MTMR14: variants seen among roughly 807,000 people sequenced by gnomAD.
The protein encoded by MTMR14 is myotubularin related protein 14.
In MTMR14, 48 loss-of-function variants were observed where a neutral mutation model predicts 86.3. The observed-to-expected ratio is 0.56, with a 90% CI of 0.44 to 0.71. The LOEUF (loss-of-function observed/expected upper bound fraction) is 0.71. MTMR14 is among the 30% of genes least tolerant of loss of function. The probability of loss-of-function intolerance (pLI) is 0.00; values close to 1 mark genes in which losing one functional copy is unlikely to be tolerated. For missense variants in MTMR14, 780 were observed against 834.6 expected (o/e 0.93, Z 0.81); for synonymous variants, 366 against 326.1 (o/e 1.12, Z -1.32).
intron 1 of MTMR14, among the ~76,000 whole-genome samples, chr3:9,652,965 C>A (rs913680052): frequency 4.0e-5 from 6 of 151,690 alleles, no homozygotes; most frequent in African/African-American, 1.5e-4. Context: ...GGCCGGGTGC[C>A]GTGGCTCACG....
chr3:9,656,201 TAA>T (rs544986685), intron 2 of MTMR14, among the ~76,000 whole-genome samples: 2 of 144,714 alleles, frequency 1.4e-5, no homozygotes, highest in African/African-American at 2.5e-5. Flanking sequence ...CTCAAAAAAA[TAA>T]AAAAAAAAGA....
chr3:9,661,995 G>A (rs1189526277), intron 2 of MTMR14, among the ~76,000 whole-genome samples: 1 of 151,924 alleles, frequency 6.6e-6, no homozygotes, highest in African/African-American at 2.4e-5. Flanking sequence ...GGCTGAGACA[G>A]GAGAATTGCT....
At chr3:9,687,772 C>T (rs765247565) in intron 13 of MTMR14, 49 bp from the exon 14 acceptor site, 1 of 1,518,076 alleles carries the variant, frequency 6.6e-7, no homozygotes, top group South Asian at 1.2e-5. Flanking sequence ...CCTGGGAGTT[C>T]TGCTGCCTTG....
intron 9 of MTMR14, among the ~76,000 whole-genome samples, chr3:9,682,443 G>A (rs2075798896): frequency 6.6e-6 from 1 of 152,160 alleles, no homozygotes; most frequent in African/African-American, 2.4e-5. Flanking sequence ...TAGGGAAAAG[G>A]GTGCCGCAAA....
In MTMR14 at chr3:9,677,990, G is replaced by A. The variant is rs1575016184; in HGVS notation, c.829G>A (p.Val277Ile). The A allele has an allele frequency of 1.2e-6, 2 of 1,614,022 alleles. No homozygotes were observed. The highest frequency in any genetic ancestry group is 1.7e-6 in the Non-Finnish European group (2 of 1,179,968). Residue 277 changes from valine to isoleucine, a missense_variant, in exon 9 of 19, where the codon GTT becomes ATT. Coordinates refer to ENST00000296003, the MANE Select transcript of MTMR14 (RefSeq NM_001077525.3). The surrounding 1 kb of genome is among the most constrained non-coding windows in gnomAD (Gnocchi z 4.2). The stretch of plus-strand genomic sequence containing the variant: ...GGAGTCTTTCTGTCCCCAGGACTAC[G>A]TTGATGCCCCATTGAGCATCCCCGA... ...GLIFNWKQDY[V>I]DAPLSIPDFL...
intron 9 of MTMR14, among the ~76,000 whole-genome samples, chr3:9,680,938 A>T (rs2125233107): frequency 1.3e-5 from 2 of 152,340 alleles, no homozygotes; most frequent in Admixed American, 1.3e-4. Context: ...TCTGTTGCTT[A>T]TGCTGTCTCA....
At chr3:9,690,277 G>A (rs2076098296) in intron 17 of MTMR14, 134 bp downstream of exon 17, 7 of 981,068 alleles carry the variant, frequency 7.1e-6, no homozygotes, top group Non-Finnish European at 9.4e-6. Context: ...GTATTTGGAG[G>A]ATGGGTTAGT....
rs894267895 is a variant in MTMR14, at chr3:9,677,080, A to G, written c.752-237A>G. 6.6e-6 allele frequency among the ~76,000 whole-genome samples: 1 copy of G among 152,226 alleles called. No individual in the cohort carries two copies. Among genetic ancestry groups the G allele is most frequent in the African/African-American group, 2.4e-5 (1 of 41,466 alleles). ...TGGAGAAAGTTACAAAGAGGCTGAG[A>G]GCAGGCAGTGCCTCGTGGAAAAGGC... On this transcript the variant is annotated intron_variant, in intron 7 of 18. Transcript: ENST00000296003. This position sits in a 1 kb window ranked among gnomAD's most constrained non-coding sequence, Gnocchi z 4.2.
At chr3:9,664,362 A>C (rs899505776) in intron 3 of MTMR14, among the ~76,000 whole-genome samples, 5 of 151,632 alleles carry the variant, frequency 3.3e-5, no homozygotes, top group African/African-American at 1.2e-4. Flanking sequence ...GGCACTGAGG[A>C]ACTAGTATGA....
rs985383733 is a variant in MTMR14 at position 9,672,766 on chromosome 3, G to A, written c.751+8G>A. ...TCTCCATCCCGTATCCAGGTAGGGG[G>A]CTCTCTTCTAGTGGCAGGCATCCTA... On this transcript the variant is annotated splice_region_variant and intron_variant, in intron 7 of 18. Coordinates refer to ENST00000296003, the MANE Select transcript of MTMR14 (RefSeq NM_001077525.3). The A allele has an allele frequency of 6.2e-7, 1 of 1,613,910 alleles. No homozygotes were observed. Among genetic ancestry groups the A allele is most frequent in the Non-Finnish European group, 8.5e-7 (1 of 1,179,822 alleles).
Position 9,697,904 on chromosome 3 carries a change from C to A in MTMR14, c.1769+38C>A, listed in dbSNP as rs1468693791. On this transcript the variant is annotated intron_variant, in intron 18 of 18. Transcript: ENST00000296003. ...CTTGAGAAGGCAGGATGCTCCCCTG[C>A]CCATGGGAAAAGCTGGTGAGCAGTC... 3 of 1,612,872 alleles carry A rather than the reference C, an allele frequency of 1.9e-6. 1 individual carries two copies. The highest frequency in any genetic ancestry group is 1.7e-6 in the Non-Finnish European group (2 of 1,179,788).
At chr3:9,690,229 T>C in intron 17 of MTMR14, 86 bp downstream of exon 17, 1 of 1,460,088 alleles carries the variant, frequency 6.8e-7, no homozygotes, top group Non-Finnish European at 9.4e-7. Flanking sequence ...GCACCTGAGC[T>C]AGGGTCTCAA....
chr3:9,692,186 G>A (rs1429794333), intron 17 of MTMR14, among the ~76,000 whole-genome samples: 1 of 152,206 alleles, frequency 6.6e-6, no homozygotes, highest in Admixed American at 6.5e-5. Flanking sequence ...GAAGCTGTCT[G>A]TGACAGCCAA....
intron 7 of MTMR14, among the ~76,000 whole-genome samples, chr3:9,673,356 A>C (rs370542774): frequency 4.6e-5 from 7 of 152,344 alleles, no homozygotes; most frequent in African/African-American, 1.7e-4. Flanking sequence ...CCTGGCACAT[A>C]AAAGTGTGTG....
intron 2 of MTMR14, among the ~76,000 whole-genome samples, chr3:9,657,186 G>C (rs2047657169): frequency 6.6e-6 from 1 of 152,116 alleles, no homozygotes; most frequent in Non-Finnish European, 1.5e-5. Flanking sequence ...TGGGATTAGA[G>C]GTGAGAGCCA....
intron 7 of MTMR14, among the ~76,000 whole-genome samples, chr3:9,674,101 A>G (rs1575002055): frequency 6.6e-6 from 1 of 152,148 alleles, no homozygotes; most frequent in African/African-American, 2.4e-5. Context: ...CTCCCAGGAG[A>G]TGCTTCGGGG....
In MTMR14 at chr3:9,702,121, A is replaced by C. The variant is rs1283064238; in HGVS notation, c.*148A>C. ...CATGAACATGGCAGCCCCAAAGCTG[A>C]GCAAGGCCAAAGACAGGGTTTTCCA... On this transcript the variant is annotated 3_prime_UTR_variant, in exon 19 of 19. Transcript: ENST00000296003. The C allele has an allele frequency of 6.7e-6, 7 of 1,048,230 alleles. No homozygotes were observed. The Admixed American group carries it at 1.4e-4, about 21-fold the overall frequency. 64.9% of individuals were successfully genotyped at this position (1,048,230 alleles called of 1,614,324 possible).
chr3:9,672,712 A>G lies in MTMR14; in HGVS notation c.705A>G (p.Lys235=). Residue 235 remains lysine, a synonymous_variant, in exon 7 of 19, where the codon AAA becomes AAG. Coordinates refer to ENST00000296003, the MANE Select transcript of MTMR14 (RefSeq NM_001077525.3). The part of the protein sequence containing the change: ...MNVTSSEKVD[K]AQRYADFTLL... ...TAACCTCCTCTGAGAAGGTGGACAA[A>G]GCCCAGCGCTATGCCGACTTCACTC... 8 of 1,614,190 alleles carry G rather than the reference A, an allele frequency of 5.0e-6. No homozygotes were observed. Among genetic ancestry groups the G allele is most frequent in the Non-Finnish European group, 6.8e-6 (8 of 1,180,028 alleles).
chr3:9,690,246 G>A, intron 17 of MTMR14, 103 bp downstream of exon 17: 1 of 1,303,404 alleles, frequency 7.7e-7, no homozygotes, highest in Admixed American at 1.9e-5. Flanking sequence ...TCAAGATGGG[G>A]TTCCTAAGCT....
Sources: allele counts gnomAD v4.1 joint callset (sites outside exome capture counted in the v4.1 genomes callset), GRCh38; gene constraint gnomAD v4.1.1; non-coding constraint Gnocchi (gnomAD v3.1); transcripts MANE v1.5; gene names NCBI Gene and HGNC (gene_info 2026-07-23, HGNC 2026-07-21).